The following RASA2 variants were observed in gnomAD, a reference collection of about 807,000 sequenced individuals.
RASA2 encodes RAS p21 protein activator 2.
A neutral mutation model predicts 118.2 loss-of-function variants in RASA2; 155 were observed. That is an observed-to-expected ratio of 1.31 (90% CI 1.15 to 1.50). The LOEUF is 1.50. RASA2 is among the 40% of genes most tolerant of loss of function. RASA2 has a pLI of 0.00. For missense variants in RASA2, 1,016 were observed against 1,009.6 expected (o/e 1.01, Z -0.09); for synonymous variants, 353 against 349.1 (o/e 1.01, Z -0.12).
At chr3:141,574,091 C>T (rs780423886) in intron 14 of RASA2, 24 bp downstream of exon 14, 1 of 1,397,054 alleles carries the variant, frequency 7.2e-7, no homozygotes, top group Non-Finnish European at 9.4e-7. Context: ...TTTACTAAAA[C>T]ATGCCATTTA....
intron 1 of RASA2, among the ~76,000 whole-genome samples, chr3:141,507,288 G>T (rs1005666092): frequency 6.6e-6 from 1 of 152,280 alleles, no homozygotes; most frequent in East Asian, 1.9e-4. Flanking sequence ...GGAAACAAAG[G>T]TTAGAAAAGA....
intron 5 of RASA2, among the ~76,000 whole-genome samples, chr3:141,543,799 C>T (rs902440503): frequency 1.3e-5 from 2 of 151,438 alleles, no homozygotes; most frequent in African/African-American, 4.8e-5. Flanking sequence ...GGTAACACAC[C>T]GTTTTTCTCT....
rs569980041 is a variant in RASA2 at position 141,593,005 on chromosome 3, A to G, written c.1933+6253A>G. Among the ~76,000 whole-genome samples, 6 of 152,254 alleles carry G rather than the reference A, an allele frequency of 3.9e-5. No individual in the cohort carries two copies. In the South Asian group the frequency reaches 8.3e-4, roughly 21 times the overall value. Reference sequence around the variant, plus strand: ...CCTTTAGCAGAATATATATATAGCAATTCTCTGAAGAATTTGACCCTTGAA... The same window carrying G: ...CCTTTAGCAGAATATATATATAGCAGTTCTCTGAAGAATTTGACCCTTGAA... On this transcript the variant is annotated intron_variant, in intron 19 of 23. Coordinates refer to ENST00000286364, the MANE Select transcript of RASA2 (RefSeq NM_006506.5).
chr3:141,519,255 C>G (rs1344422594), intron 3 of RASA2, among the ~76,000 whole-genome samples: 2 of 152,048 alleles, frequency 1.3e-5, no homozygotes, highest in Non-Finnish European at 2.9e-5. Flanking sequence ...ATTTTACCAC[C>G]CCCTGGCCAT....
intron 19 of RASA2, among the ~76,000 whole-genome samples, chr3:141,589,740 CT>C (rs2083259801): frequency 1.3e-5 from 2 of 151,854 alleles, no homozygotes; most frequent in South Asian, 4.1e-4. Context: ...ACTTGGGAGG[CT>C]GAGGCAGGAG....
chr3:141,602,380 G>A (rs2083477999), intron 19 of RASA2, among the ~76,000 whole-genome samples: 2 of 152,098 alleles, frequency 1.3e-5, no homozygotes, highest in Non-Finnish European at 2.9e-5. Flanking sequence ...TTGCATGCTC[G>A]TTTCACAATA....
At chr3:141,492,596 T>C (rs1010673735) in intron 1 of RASA2, among the ~76,000 whole-genome samples, 1 of 152,246 alleles carries the variant, frequency 6.6e-6, no homozygotes, top group South Asian at 2.1e-4. Context: ...CCGTATTTCC[T>C]TACTTGTAAA....
At chr3:141,603,840 T>G (rs2083504819) in intron 19 of RASA2, among the ~76,000 whole-genome samples, 1 of 152,232 alleles carries the variant, frequency 6.6e-6, no homozygotes, top group Admixed American at 6.5e-5. Context: ...TGGAATCATA[T>G]GTAGCCTTTT....
Position 141,558,953 on chromosome 3 carries a change from T to C in RASA2, c.752T>C (p.Leu251Pro). 1 of 1,603,346 alleles carries C rather than the reference T, an allele frequency of 6.2e-7. No individual in the cohort carries two copies. Residue 251 changes from leucine (L) to proline (P), a missense_variant, in exon 8 of 24, where the codon CTA (leucine) becomes CCA (proline). Leu to Pro is a moderately conservative substitution (Grantham distance 98). Coordinates refer to ENST00000286364, the MANE Select transcript of RASA2 (RefSeq NM_006506.5). ...GTAGAAGAGGAGGACATTGAAAAGC[T>C]AGAAATCAGGTATGTGCCTTGGGGT... ...FQVEEEDIEK[L>P]EIRIDLWNNG...
Position 141,555,916 on chromosome 3 carries a change from A to AT in RASA2, c.684+10dup, listed in dbSNP as rs1194797649. 2.5e-6 allele frequency: 4 copies of AT among 1,599,110 alleles called. No individual in the cohort carries two copies. Among genetic ancestry groups the AT allele is most frequent in the Admixed American group, 3.4e-5 (2 of 58,320 alleles). ...TAATGAAATCTTTTATTTTGAGGTA[A>AT]TTTTTTGTTTTACGTAAATGTTAAC... On this transcript the variant is annotated splice_donor_region_variant and intron_variant, in intron 7 of 23. Coordinates refer to ENST00000286364, the MANE Select transcript of RASA2 (RefSeq NM_006506.5).
chr3:141,571,186 A>G, intron 10 of RASA2, 118 bp downstream of exon 10: 2 of 1,110,252 alleles, frequency 1.8e-6, no homozygotes, highest in Non-Finnish European at 1.3e-6. Context: ...AATTATATAC[A>G]TACATATATA....
chr3:141,580,594 T>C (rs1291468377), intron 16 of RASA2, 143 bp downstream of exon 16: 5 of 557,236 alleles, frequency 9.0e-6, no homozygotes, highest in Non-Finnish European at 1.2e-5. Context: ...AATAGCTGTC[T>C]TTTAAGTAGA....
In RASA2 at chr3:141,585,954, T is replaced by C. The variant is rs955611828; in HGVS notation, c.1753-71T>C. On this transcript the variant is annotated intron_variant, in intron 17 of 23. Transcript: ENST00000286364. ...GAACTTCCCATTATAATTAATGACA[T>C]GTAAGATAAACTGAATTTTTTATAA... is the stretch of plus-strand genomic sequence containing the variant. 25 of 1,219,980 alleles carry C rather than the reference T, an allele frequency of 2.0e-5. No homozygotes were observed. The Admixed American group carries it at 2.1e-4, about 10-fold the overall frequency. 75.6% of individuals were successfully genotyped at this position (1,219,980 alleles called of 1,614,324 possible). A position where few individuals can be genotyped will look rare whatever the true frequency, so the allele number is the denominator to read the frequency against.
intron 9 of RASA2, among the ~76,000 whole-genome samples, chr3:141,567,322 G>A (rs1026096556): frequency 3.3e-5 from 5 of 151,956 alleles, no homozygotes; most frequent in Admixed American, 6.6e-5. Flanking sequence ...AGGCTGAGGC[G>A]GGAGAATCGC....
chr3:141,517,640 G>A lies in RASA2; in HGVS notation c.355+1209G>A, dbSNP rs12630438. ...TGGGGACACAGAGTCAAACCATATC[G>A]GTGACCAATAAATATATTTCTCTTT... On this transcript the variant is annotated intron_variant, in intron 3 of 23. Transcript: ENST00000286364. 2.8e-3 allele frequency among the ~76,000 whole-genome samples: 419 copies of A among 152,138 alleles called. 13 individuals are homozygous for A. In the East Asian group the frequency reaches 0.068, roughly 25 times the overall value.
intron 1 of RASA2, among the ~76,000 whole-genome samples, chr3:141,500,563 A>G (rs1331513438): frequency 6.6e-6 from 1 of 152,244 alleles, no homozygotes; most frequent in Non-Finnish European, 1.5e-5. Context: ...TACTAATCAT[A>G]TAGCATAGTT....
chr3:141,610,477 A>AAATATATATATATATATT (rs2083632040), intron 23 of RASA2, among the ~76,000 whole-genome samples: 3 of 114,816 alleles, frequency 2.6e-5, no homozygotes, highest in African/African-American at 4.1e-5. Flanking sequence ...TTATATATAT[A>AAATATATATATATATATT]AATATATATA....
intron 1 of RASA2, among the ~76,000 whole-genome samples, chr3:141,497,486 TC>T (rs1320861256): frequency 6.6e-6 from 1 of 152,148 alleles, no homozygotes; most frequent in Non-Finnish European, 1.5e-5. Flanking sequence ...TGGAAGACTA[TC>T]CTATCTGCAA....
At chr3:141,533,386 T>C (rs2082285567) in intron 4 of RASA2, among the ~76,000 whole-genome samples, 1 of 152,196 alleles carries the variant, frequency 6.6e-6, no homozygotes, top group African/African-American at 2.4e-5. Context: ...CTACCACTAA[T>C]TAGCATTTGT....
Sources: gnomAD v4.1 joint callset for allele counts (sites outside exome capture counted in the v4.1 genomes callset) on GRCh38, gnomAD v4.1.1 for gene constraint, MANE v1.5 for transcripts, NCBI Gene and HGNC (gene_info 2026-07-23, HGNC 2026-07-21) for gene names.